The following PTPRD variants were observed in gnomAD, a reference collection of about 807,000 sequenced individuals.
The protein encoded by PTPRD is receptor-type tyrosine-protein phosphatase delta.
Under a neutral mutation model 214.5 loss-of-function variants are expected in PTPRD, and 34 were observed. The observed-to-expected ratio is 0.16, with a 90% CI of 0.12 to 0.21. The LOEUF (loss-of-function observed/expected upper bound fraction) is 0.21, where lower values mean the gene tolerates loss of function less well. PTPRD is among the 10% of genes least tolerant of loss of function. PTPRD has a pLI of 1.00. For synonymous variants in PTPRD, 1,128 were observed against 845.7 expected (o/e 1.33, Z -5.79); for missense variants, 2,545 against 2,398.7 (o/e 1.06, Z -1.27).
chr9:10,050,860 CTCTA>C (rs1193240488), intron 3 of PTPRD, among the ~76,000 whole-genome samples: 1 of 151,914 alleles, frequency 6.6e-6, no homozygotes, highest in African/African-American at 2.4e-5. Context: ...AAAATTAATT[CTCTA>C]TCTAACTATC....
At chr9:10,240,251 T>G (rs185461659) in intron 3 of PTPRD, among the ~76,000 whole-genome samples, 1 of 152,168 alleles carries the variant, frequency 6.6e-6, no homozygotes, top group African/African-American at 2.4e-5. Context: ...TGATTCTTCC[T>G]TCTGAAGGCT....
At chr9:10,093,454 C>T (rs2154200518) in intron 3 of PTPRD, among the ~76,000 whole-genome samples, 1 of 151,468 alleles carries the variant, frequency 6.6e-6, no homozygotes, top group East Asian at 2.0e-4. Context: ...TTGATAGATC[C>T]TGGCATGGCA....
intron 12 of PTPRD, among the ~76,000 whole-genome samples, chr9:8,640,426 G>A (rs72698274): frequency 0.069 from 10,521 of 151,934 alleles, 1,119 homozygotes; most frequent in African/African-American, 0.23. Flanking sequence ...TGGAGACCAA[G>A]TCATGGAATG....
At chr9:9,239,495 A>G (rs1353632573) in intron 9 of PTPRD, among the ~76,000 whole-genome samples, 1 of 152,156 alleles carries the variant, frequency 6.6e-6, no homozygotes, top group Non-Finnish European at 1.5e-5. Flanking sequence ...TAGTCATGAG[A>G]GCAAGAAAAA....
chr9:10,347,922 G>T (rs1177028002), intron 2 of PTPRD, among the ~76,000 whole-genome samples: 1 of 151,890 alleles, frequency 6.6e-6, no homozygotes, highest in South Asian at 2.1e-4. Flanking sequence ...GCCCAGCGTG[G>T]TGCATGTGCC....
chr9:9,010,419 T>C (rs1271597153), intron 11 of PTPRD, among the ~76,000 whole-genome samples: 1 of 152,196 alleles, frequency 6.6e-6, no homozygotes, highest in Non-Finnish European at 1.5e-5. Context: ...GAGTTCAACA[T>C]TTATTGACTG....
intron 9 of PTPRD, among the ~76,000 whole-genome samples, chr9:9,347,649 A>C (rs1472654211): frequency 6.6e-6 from 1 of 152,122 alleles, no homozygotes; most frequent in Admixed American, 6.6e-5. Context: ...TATGGCTATA[A>C]GTTAAATATA....
intron 5 of PTPRD, among the ~76,000 whole-genome samples, chr9:9,918,225 G>A (rs1400327171): frequency 1.3e-5 from 2 of 151,208 alleles, no homozygotes; most frequent in Non-Finnish European, 3.0e-5. Flanking sequence ...AAATCAATAT[G>A]AAAATTAAGT....
intron 5 of PTPRD, among the ~76,000 whole-genome samples, chr9:9,891,941 C>A (rs188073082): frequency 6.6e-6 from 1 of 152,150 alleles, no homozygotes; most frequent in Admixed American, 6.6e-5. Context: ...ACATATTTTA[C>A]TATTTATCAC....
intron 5 of PTPRD, among the ~76,000 whole-genome samples, chr9:9,795,393 T>C (rs1262741926): frequency 6.6e-6 from 1 of 152,112 alleles, no homozygotes; most frequent in Non-Finnish European, 1.5e-5. Context: ...AGAGATCTGA[T>C]CACAATATTG....
intron 31 of PTPRD, among the ~76,000 whole-genome samples, chr9:8,470,003 T>C (rs2096621212): frequency 6.6e-6 from 1 of 152,142 alleles, no homozygotes; most frequent in Non-Finnish European, 1.5e-5. Context: ...CCTTGCTCTG[T>C]TTGTACTAAT....
chr9:8,636,884 G>T lies in PTPRD; in HGVS notation c.65-40C>A, dbSNP rs780980257. ...AAACATCACAGTTAAATTGAAAACT[G>T]AAATACAGACTATTATCCTACTACC... On this transcript the variant is annotated intron_variant, in intron 12 of 45. Transcript: ENST00000381196. The T allele has an allele frequency of 6.2e-6, 10 of 1,600,692 alleles. No homozygotes were observed. In the South Asian group the frequency reaches 1.1e-4, roughly 18 times the overall value.
intron 3 of PTPRD, among the ~76,000 whole-genome samples, chr9:10,302,586 G>C (rs2095897162): frequency 6.6e-6 from 1 of 152,026 alleles, no homozygotes; most frequent in Admixed American, 6.6e-5. Context: ...CAAGCAAATA[G>C]AAAGCAAAAA....
chr9:8,645,143 GT>G (rs1433038044), intron 12 of PTPRD, among the ~76,000 whole-genome samples: 1 of 152,154 alleles, frequency 6.6e-6, no homozygotes, highest in Non-Finnish European at 1.5e-5. Flanking sequence ...GGATTGGCAC[GT>G]ACTTTGTGCC....
intron 3 of PTPRD, among the ~76,000 whole-genome samples, chr9:10,044,685 C>G (rs915276478): frequency 6.6e-6 from 1 of 151,648 alleles, no homozygotes; most frequent in African/African-American, 2.4e-5. Flanking sequence ...CTCAGGGAGG[C>G]TGGGAAGTTT....
intron 8 of PTPRD, among the ~76,000 whole-genome samples, chr9:9,413,146 C>T (rs2076002210): frequency 2.0e-5 from 2 of 102,092 alleles, no homozygotes; most frequent in African/African-American, 7.7e-5. Context: ...CTCGCTCTGT[C>T]GCCCAGGCCG....
intron 11 of PTPRD, among the ~76,000 whole-genome samples, chr9:8,990,450 G>A (rs1205552371): frequency 2.6e-5 from 4 of 152,018 alleles, no homozygotes; most frequent in Non-Finnish European, 5.9e-5. Context: ...AGGTTGTTGG[G>A]GCTCAGAAAA....
At chr9:8,969,583 T>C (rs1431228615) in intron 11 of PTPRD, among the ~76,000 whole-genome samples, 4 of 151,916 alleles carry the variant, frequency 2.6e-5, no homozygotes, top group African/African-American at 9.7e-5. Context: ...AAAAATAAGA[T>C]ACAGAATGAG....
At chr9:10,246,642 G>A (rs928581136) in intron 3 of PTPRD, among the ~76,000 whole-genome samples, 45 of 152,258 alleles carry the variant, frequency 3.0e-4, no homozygotes, top group African/African-American at 1.0e-3. Context: ...TGACGACAGT[G>A]ATGAAGAAAG....
Sources: gnomAD v4.1 joint callset for allele counts (sites outside exome capture counted in the v4.1 genomes callset) on GRCh38, gnomAD v4.1.1 for gene constraint, MANE v1.5 for transcripts, NCBI Gene and HGNC (gene_info 2026-07-23, HGNC 2026-07-21) for gene names.